The following KDM4C variants were observed in gnomAD, a reference collection of about 807,000 sequenced individuals.
KDM4C encodes the protein lysine demethylase 4C.
Under a neutral mutation model 129.3 loss-of-function variants are expected in KDM4C, and 81 were observed. That is an observed-to-expected ratio of 0.63 (90% CI 0.52 to 0.75). The LOEUF is 0.75. Among genes scored for constraint, KDM4C ranks in the 30% least tolerant of loss-of-function variants. KDM4C has a pLI of 0.00. For synonymous variants in KDM4C, 573 were observed against 456.1 expected (o/e 1.26, Z -3.26); for missense variants, 1,457 against 1,304.0 (o/e 1.12, Z -1.81).
intron 13 of KDM4C, among the ~76,000 whole-genome samples, chr9:7,012,888 T>TA (rs1296472164): frequency 6.6e-6 from 1 of 152,222 alleles, no homozygotes; most frequent in Non-Finnish European, 1.5e-5. Context: ...GAGTTCCTTA[T>TA]AAAAATAAAC....
intron 4 of KDM4C, among the ~76,000 whole-genome samples, chr9:6,826,242 T>G (rs1833849620): frequency 6.6e-6 from 1 of 152,292 alleles, no homozygotes; most frequent in Middle Eastern, 3.4e-3. Flanking sequence ...CTTTCCATTT[T>G]GTTTTTAGTT....
At chr9:7,014,506 C>G (rs552436907) in intron 14 of KDM4C, among the ~76,000 whole-genome samples, 1 of 152,208 alleles carries the variant, frequency 6.6e-6, no homozygotes, top group African/African-American at 2.4e-5. Context: ...TACCCCTGCA[C>G]TGGGATAGTC....
rs1184712462 is a variant in KDM4C at position 7,149,942 on chromosome 9, A to C, written c.2782-15296A>C. ...AGTAGTTTTTATATTTGGAGCTTTCAGGAGTTGAACTTGGAAGATTTCCTA... is the reference window on the plus strand; with the variant it reads ...AGTAGTTTTTATATTTGGAGCTTTCCGGAGTTGAACTTGGAAGATTTCCTA... On this transcript the variant is annotated intron_variant, in intron 19 of 21. Transcript: ENST00000381309. 5.3e-5 allele frequency among the ~76,000 whole-genome samples: 8 copies of C among 152,238 alleles called. No homozygotes were observed. In the South Asian group the frequency reaches 6.2e-4, roughly 12 times the overall value.
In KDM4C at chr9:7,086,130, C is replaced by T. The variant is rs139610410; in HGVS notation, c.2425-17555C>T. On this transcript the variant is annotated intron_variant, in intron 17 of 21. Transcript: ENST00000381309. ...CCGAGATCATGCCACTGCACTCCAG[C>T]CTGAGCGACAGAGCCAGACCCCGTC... 1.5e-4 allele frequency among the ~76,000 whole-genome samples: 23 copies of T among 152,350 alleles called. No individual in the cohort carries two copies. The East Asian group carries it at 4.2e-3, about 28-fold the overall frequency.
chr9:7,125,961 G>A (rs1264297247), intron 18 of KDM4C, among the ~76,000 whole-genome samples: 1 of 152,194 alleles, frequency 6.6e-6, no homozygotes, highest in Non-Finnish European at 1.5e-5. Context: ...CTTCCTAGTA[G>A]GTACAGGCTT....
At chr9:7,094,393 A>G (rs1004841235) in intron 17 of KDM4C, among the ~76,000 whole-genome samples, 6 of 152,196 alleles carry the variant, frequency 3.9e-5, no homozygotes, top group Non-Finnish European at 8.8e-5. Context: ...CATGTGCACA[A>G]CAATGAGAAC....
intron 8 of KDM4C, among the ~76,000 whole-genome samples, chr9:6,959,009 A>G (rs185918530): frequency 1.3e-5 from 2 of 152,366 alleles, no homozygotes; most frequent in African/African-American, 4.8e-5. Flanking sequence ...GAAGGAAATC[A>G]TAAAGTTCCT....
Position 6,750,024 on chromosome 9 carries a change from A to G in KDM4C, c.49+29027A>G, listed in dbSNP as rs145231658. ...AAAAAAAAAAAAAAAGAGTAACCTAAAGCCAGAGGAAAATGTACTTGCTGT... is the reference window on the plus strand; with the variant it reads ...AAAAAAAAAAAAAAAGAGTAACCTAGAGCCAGAGGAAAATGTACTTGCTGT... On this transcript the variant is annotated intron_variant, in intron 1 of 17. Transcript: ENST00000536108. Among the ~76,000 whole-genome samples, 845 of 151,644 alleles carry G rather than the reference A, an allele frequency of 5.6e-3. 12 individuals carry two copies. The highest frequency in any genetic ancestry group is 0.02 in the African/African-American group (816 of 41,336).
At chr9:7,012,830 T>C (rs1822954157) in intron 13 of KDM4C, among the ~76,000 whole-genome samples, 3 of 152,200 alleles carry the variant, frequency 2.0e-5, no homozygotes, top group Non-Finnish European at 2.9e-5. Context: ...TTGGGTTATA[T>C]TTTTATTTAT....
intron 5 of KDM4C, among the ~76,000 whole-genome samples, chr9:6,873,936 G>A (rs1843170100): frequency 8.0e-6 from 1 of 125,656 alleles, no homozygotes; most frequent in Non-Finnish European, 1.7e-5. Context: ...GAGAGTGAGA[G>A]AGAGCGAGAG....
chr9:6,924,696 A>G, intron 8 of KDM4C: 2 of 909,246 alleles, frequency 2.2e-6, no homozygotes, highest in Non-Finnish European at 2.6e-6. Context: ...GTACCGATGC[A>G]TAATGTGTCA....
intron 13 of KDM4C, among the ~76,000 whole-genome samples, chr9:7,012,249 T>C (rs1422612021): frequency 1.3e-5 from 2 of 152,154 alleles, no homozygotes; most frequent in African/African-American, 4.8e-5. Context: ...TAAATTTATT[T>C]TTTAATTTTT....
chr9:6,766,576 G>T (rs1230258750), intron 1 of KDM4C, among the ~76,000 whole-genome samples: 2 of 151,894 alleles, frequency 1.3e-5, no homozygotes, highest in East Asian at 3.8e-4. Flanking sequence ...GTCAGGCATT[G>T]GAAGACTAAT....
chr9:6,784,070 TC>T (rs1824947670), intron 1 of KDM4C, among the ~76,000 whole-genome samples: 1 of 152,148 alleles, frequency 6.6e-6, no homozygotes, highest in African/African-American at 2.4e-5. Flanking sequence ...GTTTTTTTTT[TC>T]TTTCTTTCAA....
At chr9:7,038,584 G>T (rs894625461) in intron 15 of KDM4C, among the ~76,000 whole-genome samples, 2 of 151,906 alleles carry the variant, frequency 1.3e-5, no homozygotes, top group Admixed American at 6.6e-5. Context: ...GATAATTCCA[G>T]TTCCCACCAG....
At chr9:7,072,926 T>G (rs1833402902) in intron 17 of KDM4C, among the ~76,000 whole-genome samples, 2 of 152,144 alleles carry the variant, frequency 1.3e-5, no homozygotes, top group African/African-American at 2.4e-5. Context: ...TGTTAGTAGA[T>G]TGACTGTGGA....
chr9:6,940,620 T>G (rs970866795), intron 8 of KDM4C, among the ~76,000 whole-genome samples: 4 of 141,882 alleles, frequency 2.8e-5, no homozygotes, highest in African/African-American at 9.9e-5. Context: ...CATAATTTTA[T>G]TGAAAGTGGG....
At chr9:6,878,039 A>G (rs1316498927) in intron 5 of KDM4C, among the ~76,000 whole-genome samples, 1 of 152,218 alleles carries the variant, frequency 6.6e-6, no homozygotes, top group African/African-American at 2.4e-5. Context: ...AAGCATGGAG[A>G]TGAGTGGGTT....
At chr9:7,144,737 T>A (rs1403924782) in intron 19 of KDM4C, among the ~76,000 whole-genome samples, 1 of 152,256 alleles carries the variant, frequency 6.6e-6, no homozygotes, top group Non-Finnish European at 1.5e-5. Context: ...TCAGTCAGCT[T>A]GGGTGAAGTG....
Sources: gnomAD v4.1 joint callset for allele counts (sites outside exome capture counted in the v4.1 genomes callset) on GRCh38, gnomAD v4.1.1 for gene constraint, MANE v1.5 for transcripts, NCBI Gene and HGNC (gene_info 2026-07-23, HGNC 2026-07-21) for gene names.